The following RAB4A variants were observed in gnomAD, a reference collection of about 807,000 sequenced individuals.
RAB4A encodes the protein RAB4A, member RAS oncogene family, also known as ras-related protein Rab-4A.
RAB4A carries 20 observed loss-of-function variants against 34.5 expected under a neutral mutation model. The ratio of observed to expected loss-of-function variants is 0.58; its 90% CI spans 0.41 to 0.84. RAB4A has a LOEUF of 0.84. Ranked by LOEUF, RAB4A falls within the 40% of genes least tolerant of loss-of-function variation. RAB4A has a pLI of 0.00. For missense variants in RAB4A, 228 were observed against 274.5 expected (o/e 0.83, Z 1.20); for synonymous variants, 102 against 100.0 (o/e 1.02, Z -0.12).
In RAB4A at chr1:229,299,212, T is replaced by C. The variant is rs535168601; in HGVS notation, c.541+140T>C. On this transcript the variant is annotated intron_variant, in intron 6 of 7. Coordinates refer to ENST00000366690, the MANE Select transcript of RAB4A (RefSeq NM_004578.4). ...CCTGCCAACCTAAAATCATCACATA[T>C]GGGTTCAAAGGTCCTGTTCTTATCA... 31 of 626,924 alleles carry C rather than the reference T, an allele frequency of 4.9e-5. No individual in the cohort carries two copies. In the East Asian group the frequency reaches 5.5e-4, roughly 11 times the overall value. 38.8% of individuals were successfully genotyped at this position (626,924 alleles called of 1,614,324 possible).
rs1197716014 is a variant in RAB4A, at chr1:229,299,011, G to A, written c.480G>A (p.Gly160=). 2 of 1,611,048 alleles carry A rather than the reference G, an allele frequency of 1.2e-6. No individual in the cohort carries two copies. The highest frequency in any genetic ancestry group is 2.2e-5 in the South Asian group (2 of 90,330). The change falls in exon 6 of 8, where the codon GGG becomes GGA. Residue 160 remains glycine, a synonymous_variant. Coordinates refer to ENST00000366690, the MANE Select transcript of RAB4A (RefSeq NM_004578.4). Reference sequence around the variant, plus strand: ...TTTTGGAAACAAGTGCGCTCACAGGGGAGAATGTAGAAGAGGCTTTTGTAC... The same window carrying A: ...TTTTGGAAACAAGTGCGCTCACAGGAGAGAATGTAGAAGAGGCTTTTGTAC... ...LMFLETSALT[G]ENVEEAFVQC...
intron 6 of RAB4A, among the ~76,000 whole-genome samples, chr1:229,301,552 G>A (rs1245468072): frequency 6.6e-6 from 1 of 151,994 alleles, no homozygotes; most frequent in African/African-American, 2.4e-5. Flanking sequence ...ACATGACCTT[G>A]CTATTTTAAT....
rs1363163673 is a variant in RAB4A, at chr1:229,271,142, G to A, written c.-198G>A. 3 of 402,024 alleles carry A rather than the reference G, an allele frequency of 7.5e-6. No individual in the cohort carries two copies. Among genetic ancestry groups the A allele is most frequent in the East Asian group, 8.1e-5 (2 of 24,630 alleles). The allele number at this position is 402,024 out of a possible 1,614,324, so 24.9% of individuals were successfully genotyped here. ...CTCCTCGCGGTCGCGGCCGGACGGA[G>A]GGTGGAGGGCCCTGCGCCTGCGCGG... On this transcript the variant is annotated 5_prime_UTR_variant, in exon 1 of 8. Coordinates refer to ENST00000366690, the MANE Select transcript of RAB4A (RefSeq NM_004578.4).
At chr1:229,274,542 G>A (rs1011628723) in intron 1 of RAB4A, among the ~76,000 whole-genome samples, 1 of 152,144 alleles carries the variant, frequency 6.6e-6, no homozygotes, top group Non-Finnish European at 1.5e-5. Flanking sequence ...TGAAATCTTA[G>A]GTTTTGGATG....
intron 1 of RAB4A, among the ~76,000 whole-genome samples, chr1:229,278,098 C>A (rs893602796): frequency 2.0e-5 from 3 of 152,194 alleles, no homozygotes; most frequent in Non-Finnish European, 4.4e-5. Flanking sequence ...CTCCTAACCT[C>A]AAGTGATCCA....
chr1:229,284,029 G>T (rs919551884), intron 1 of RAB4A, among the ~76,000 whole-genome samples: 1 of 149,428 alleles, frequency 6.7e-6, no homozygotes, highest in African/African-American at 2.5e-5. Context: ...GAGCCACTGC[G>T]CCCGGCCTCA....
At chr1:229,282,008 A>G (rs1656791982) in intron 1 of RAB4A, among the ~76,000 whole-genome samples, 1 of 152,018 alleles carries the variant, frequency 6.6e-6, no homozygotes, top group African/African-American at 2.4e-5. Flanking sequence ...GTATTTGCCC[A>G]TGTTTTTGCT....
intron 1 of RAB4A, among the ~76,000 whole-genome samples, chr1:229,283,769 C>T (rs118130114): frequency 0.016 from 2,429 of 151,754 alleles, 90 homozygotes; most frequent in South Asian, 0.075. Context: ...TCTTGCTGCC[C>T]AGGCTGGAAT....
chr1:229,302,239 T>C (rs1376998499), intron 6 of RAB4A, among the ~76,000 whole-genome samples: 4 of 128,200 alleles, frequency 3.1e-5, no homozygotes, highest in Non-Finnish European at 4.9e-5. Context: ...CTATTATAAG[T>C]AATGTTACAG....
At chr1:229,275,768 C>A (rs1656627199) in intron 1 of RAB4A, among the ~76,000 whole-genome samples, 1 of 151,798 alleles carries the variant, frequency 6.6e-6, no homozygotes, top group Admixed American at 6.6e-5. Flanking sequence ...CTACAGGCGC[C>A]CGCCACCACA....
In RAB4A at chr1:229,271,195, C is replaced by T; in HGVS notation, c.-145C>T. On this transcript the variant is annotated 5_prime_UTR_variant, in exon 1 of 8. Transcript: ENST00000366690. The stretch of plus-strand genomic sequence containing the variant: ...CTGGAGTCCGGCTGGGCCGCAGCCG[C>T]TGGGAGACCGGCGGTTGCCGTGGGG... 1.2e-6 allele frequency: 1 copy of T among 808,968 alleles called. No individual in the cohort carries two copies. Among genetic ancestry groups the T allele is most frequent in the South Asian group, 4.7e-5 (1 of 21,230 alleles). The allele number at this position is 808,968 out of a possible 1,614,324, so 50.1% of individuals were successfully genotyped here. A position where few individuals can be genotyped will look rare whatever the true frequency, so the allele number is the denominator to read the frequency against.
chr1:229,283,064 C>A (rs1041858892), intron 1 of RAB4A, among the ~76,000 whole-genome samples: 1 of 152,158 alleles, frequency 6.6e-6, no homozygotes, highest in Non-Finnish European at 1.5e-5. Flanking sequence ...TTATTTAAAT[C>A]TTTTAATTGT....
chr1:229,286,375 CT>C, intron 1 of RAB4A, 110 bp from the exon 2 acceptor site: 1 of 659,642 alleles, frequency 1.5e-6, no homozygotes, highest in Non-Finnish European at 2.6e-6. Flanking sequence ...TCAGTTACCT[CT>C]TTTTCCTGTT....
chr1:229,275,614 CTTT>C (rs1028884521), intron 1 of RAB4A, among the ~76,000 whole-genome samples: 13 of 131,040 alleles, frequency 9.9e-5, no homozygotes, highest in African/African-American at 2.8e-4. Flanking sequence ...ATTTCTTTTC[CTTT>C]TTTTTTTTTT....
intron 3 of RAB4A, among the ~76,000 whole-genome samples, chr1:229,289,449 T>C (rs1657007606): frequency 1.3e-5 from 2 of 152,252 alleles, no homozygotes; most frequent in African/African-American, 4.8e-5. Context: ...CATAGTTTTA[T>C]AATTCAGTGA....
At chr1:229,280,152 A>G (rs1656747110) in intron 1 of RAB4A, among the ~76,000 whole-genome samples, 1 of 152,152 alleles carries the variant, frequency 6.6e-6, no homozygotes, top group African/African-American at 2.4e-5. Flanking sequence ...TACAAAATAA[A>G]CCCATAAAAC....
rs910464844 is a variant in RAB4A, at chr1:229,303,721, A to C, written c.*13-85A>C. On this transcript the variant is annotated intron_variant, in intron 7 of 7. Transcript: ENST00000366690. ...GCAAGTGTTAAAAGACAAGATATTC[A>C]CGAATTCTCTTTTAGGCTTTAAGCT... 3.9e-5 allele frequency: 6 copies of C among 152,356 alleles called. No individual in the cohort carries two copies. In the South Asian group the frequency reaches 1.2e-3, roughly 32 times the overall value. 9.4% of individuals were successfully genotyped at this position (152,356 alleles called of 1,614,324 possible). A position where few individuals can be genotyped will look rare whatever the true frequency, so the allele number is the denominator to read the frequency against.
Position 229,305,452 on chromosome 1 carries a change from C to T in RAB4A, c.*1659C>T. ...ACGATCCTGTTAATTAAACCACAGA[C>T]ACCATATATCCTTCTGCATCCTTTG... On this transcript the variant is annotated 3_prime_UTR_variant, in exon 8 of 8. Coordinates refer to ENST00000366690, the MANE Select transcript of RAB4A (RefSeq NM_004578.4). 1.6e-6 allele frequency: 1 copy of T among 625,808 alleles called. No homozygotes were observed. The highest frequency in any genetic ancestry group is 2.6e-6 in the Non-Finnish European group (1 of 388,244). 38.8% of individuals were successfully genotyped at this position (625,808 alleles called of 1,614,324 possible).
chr1:229,275,926 A>G (rs1656632462), intron 1 of RAB4A, among the ~76,000 whole-genome samples: 1 of 151,100 alleles, frequency 6.6e-6, no homozygotes, highest in Non-Finnish European at 1.5e-5. Flanking sequence ...GTGCCCGTGT[A>G]TAAATAGCAT....
Sources: allele counts gnomAD v4.1 joint callset (sites outside exome capture counted in the v4.1 genomes callset), GRCh38; gene constraint gnomAD v4.1.1; transcripts MANE v1.5; gene names NCBI Gene and HGNC (gene_info 2026-07-23, HGNC 2026-07-21).